Variants in IL1RAPL2 observed in about 807,000 individuals in gnomAD.
IL1RAPL2 encodes X-linked interleukin-1 receptor accessory protein-like 2.
IL1RAPL2 carries 3 observed loss-of-function variants against 44.1 expected under a neutral mutation model. That is an observed-to-expected ratio of 0.07 (90% CI 0.03 to 0.18). The LOEUF (loss-of-function observed/expected upper bound fraction) is 0.18. IL1RAPL2 is among the 10% of genes least tolerant of loss of function. IL1RAPL2 has a pLI of 1.00. For synonymous variants in IL1RAPL2, 181 were observed against 178.8 expected, an observed-to-expected ratio of 1.01 and a Z score of -0.10; for missense variants, 391 against 496.4, an observed-to-expected ratio of 0.79 and a Z score of 2.02.
At chrX:104,699,324 A>C (rs1179279490) in intron 2 of IL1RAPL2, among the ~76,000 whole-genome samples, 2 of 111,827 alleles carry the variant, frequency 1.8e-5, no homozygotes, top group African/African-American at 6.5e-5. Flanking sequence ...TCCTGCAACT[A>C]CATGGTCCCA....
chrX:105,424,890 C>T (rs1191112343), intron 5 of IL1RAPL2, among the ~76,000 whole-genome samples: 1 of 110,746 alleles, frequency 9.0e-6, no homozygotes, highest in Non-Finnish European at 1.9e-5. Context: ...TAGCTCAGTT[C>T]ACACCTCTGC....
Position 104,814,495 on chromosome X carries a change from C to G in IL1RAPL2, c.82+155500C>G, listed in dbSNP as rs188444611. ...ATCATCTTAGAGATGAGCAAAATTG[C>G]AGGCATGCAGTTTAGCCACTCAATG... is the stretch of plus-strand genomic sequence containing the variant. On this transcript the variant is annotated intron_variant, in intron 2 of 10. Transcript: ENST00000372582. Among the ~76,000 whole-genome samples the G allele has an allele frequency of 3.6e-5, 4 of 112,366 alleles. No individual in the cohort carries two copies. In the East Asian group the frequency reaches 1.1e-3, roughly 31 times the overall value.
intron 2 of IL1RAPL2, among the ~76,000 whole-genome samples, chrX:104,660,497 A>G (rs1473804078): frequency 6.5e-5 from 7 of 106,975 alleles, no homozygotes; most frequent in African/African-American, 1.3e-4. Context: ...TCTGTCTTAT[A>G]CCTTGGTTTG....
chrX:105,375,494 G>A (rs1320739972), intron 5 of IL1RAPL2, among the ~76,000 whole-genome samples: 3 of 111,917 alleles, frequency 2.7e-5, no homozygotes, highest in Admixed American at 9.5e-5. Context: ...ATGGGCGACA[G>A]AGCGAGACCT....
chrX:105,467,731 C>T lies in IL1RAPL2; in HGVS notation c.698-16582C>T, dbSNP rs149336561. On this transcript the variant is annotated intron_variant, in intron 5 of 10. Transcript: ENST00000372582. Reference sequence around the variant, plus strand: ...GACATAAAGTCTGTACTCTATGGAACGGATTAAAGACATGTGGTAAGTGTC... The same window carrying T: ...GACATAAAGTCTGTACTCTATGGAATGGATTAAAGACATGTGGTAAGTGTC... 5.2e-3 allele frequency among the ~76,000 whole-genome samples: 574 copies of T among 111,264 alleles called. 4 individuals carry two copies. The highest frequency in any genetic ancestry group is 9.2e-3 in the Non-Finnish European group (487 of 52,949).
intron 2 of IL1RAPL2, among the ~76,000 whole-genome samples, chrX:104,841,064 G>T (rs1225900175): frequency 1.8e-5 from 2 of 110,727 alleles, no homozygotes; most frequent in African/African-American, 6.6e-5. Context: ...TATGAATCTG[G>T]GTGCTCCAGT....
chrX:105,559,842 G>T (rs1282031831), intron 6 of IL1RAPL2, among the ~76,000 whole-genome samples: 1 of 111,571 alleles, frequency 9.0e-6, no homozygotes, highest in Non-Finnish European at 1.9e-5. Flanking sequence ...ATGCCATTCT[G>T]CCCCCTATTT....
At chrX:105,225,618 C>A (rs184854433) in intron 3 of IL1RAPL2, among the ~76,000 whole-genome samples, 12 of 111,183 alleles carry the variant, frequency 1.1e-4, no homozygotes, top group Admixed American at 9.6e-5. Flanking sequence ...GCAGAGTATC[C>A]TTTGCCCTGG....
At chrX:105,176,595 G>C (rs759785985) in intron 2 of IL1RAPL2, among the ~76,000 whole-genome samples, 1 of 110,509 alleles carries the variant, frequency 9.0e-6, no homozygotes, top group African/African-American at 3.3e-5. Flanking sequence ...CACCTCCACT[G>C]TGCCAGTTGC....
intron 1 of IL1RAPL2, among the ~76,000 whole-genome samples, chrX:104,618,127 T>A (rs1035859167): frequency 8.9e-6 from 1 of 112,268 alleles, no homozygotes; most frequent in Non-Finnish European, 1.9e-5. Context: ...CATAGCCCTA[T>A]GCACTTTTGG....
intron 6 of IL1RAPL2, among the ~76,000 whole-genome samples, chrX:105,583,961 C>G (rs1026680611): frequency 9.0e-6 from 1 of 111,703 alleles, no homozygotes; most frequent in Non-Finnish European, 1.9e-5. Context: ...TGAAGATACT[C>G]TCTAATTTGT....
chrX:105,438,356 G>T (rs1019287518), intron 5 of IL1RAPL2, among the ~76,000 whole-genome samples: 3 of 111,269 alleles, frequency 2.7e-5, no homozygotes, highest in Non-Finnish European at 5.7e-5. Context: ...ATAAGATCCC[G>T]AAGCACCCAG....
chrX:104,873,990 T>A (rs1400070962), intron 2 of IL1RAPL2, among the ~76,000 whole-genome samples: 2 of 111,011 alleles, frequency 1.8e-5, no homozygotes, highest in Admixed American at 9.6e-5. Flanking sequence ...CAGAACAGGT[T>A]AGTTCCAATG....
At chrX:105,078,685 T>G (rs2032351517) in intron 2 of IL1RAPL2, among the ~76,000 whole-genome samples, 1 of 110,245 alleles carries the variant, frequency 9.1e-6, no homozygotes, top group South Asian at 3.9e-4. Context: ...CTCCACCCAG[T>G]TCGAGCTTCC....
intron 2 of IL1RAPL2, among the ~76,000 whole-genome samples, chrX:104,708,721 C>T (rs1380279077): frequency 1.8e-5 from 2 of 110,486 alleles, no homozygotes; most frequent in Non-Finnish European, 3.8e-5. Flanking sequence ...TATTATAGAA[C>T]ACAGGAATTA....
At chrX:105,705,658 A>G (rs1439639646) in intron 6 of IL1RAPL2, among the ~76,000 whole-genome samples, 1 of 111,927 alleles carries the variant, frequency 8.9e-6, no homozygotes, top group East Asian at 2.8e-4. Flanking sequence ...GGAAGTTTAT[A>G]AAAGTTCAGA....
chrX:104,803,115 C>T (rs1054539168), intron 2 of IL1RAPL2, among the ~76,000 whole-genome samples: 1 of 111,595 alleles, frequency 9.0e-6, no homozygotes, highest in East Asian at 2.8e-4. Flanking sequence ...AAAGAATAAT[C>T]GAGGTGATGG....
intron 5 of IL1RAPL2, among the ~76,000 whole-genome samples, chrX:105,348,110 A>AT (rs1320272665): frequency 9.0e-6 from 1 of 111,031 alleles, no homozygotes; most frequent in East Asian, 2.8e-4. Context: ...TTATTTCTCT[A>AT]TTTTCCTTAC....
chrX:105,447,834 A>G lies in IL1RAPL2; in HGVS notation c.698-36479A>G, dbSNP rs188773026. On this transcript the variant is annotated intron_variant, in intron 5 of 10. Coordinates refer to ENST00000372582, the MANE Select transcript of IL1RAPL2 (RefSeq NM_017416.2). ...TAAATATATAAATATATATAAATAT[A>G]TTATACATATAAATATATAAATATA... 9.8e-5 allele frequency among the ~76,000 whole-genome samples: 9 copies of G among 91,937 alleles called. No individual in the cohort carries two copies. In the Admixed American group the frequency reaches 9.9e-4, roughly 10 times the overall value. The allele number at this position is 91,937 out of a possible 115,157, so 79.8% of individuals were successfully genotyped here. A position where few individuals can be genotyped will look rare whatever the true frequency, so the allele number is the denominator to read the frequency against.
Sources: allele counts gnomAD v4.1 joint callset (sites outside exome capture counted in the v4.1 genomes callset), GRCh38; gene constraint gnomAD v4.1.1; transcripts MANE v1.5; gene names NCBI Gene and HGNC (gene_info 2026-07-23, HGNC 2026-07-21).